Variants in NUP98 observed in about 807,000 individuals in gnomAD.
NUP98 encodes nuclear pore complex protein Nup98-Nup96.
NUP98 carries 26 observed loss-of-function variants against 191.9 expected under a neutral mutation model. The observed-to-expected ratio is 0.14, with a 90% CI of 0.10 to 0.19. The LOEUF is 0.19. NUP98 is among the 10% of genes least tolerant of loss of function. NUP98 has a pLI of 1.00. For missense variants in NUP98, 1,941 were observed against 2,178.8 expected, an observed-to-expected ratio of 0.89 and a Z score of 2.17; for synonymous variants, 808 against 778.4, an observed-to-expected ratio of 1.04 and a Z score of -0.63.
intron 1 of NUP98, among the ~76,000 whole-genome samples, chr11:3,793,613 CT>C (rs1437741061): frequency 4.0e-5 from 6 of 151,884 alleles, no homozygotes; most frequent in South Asian, 4.2e-4. Context: ...AAGAATTTTT[CT>C]TTCCTTACTA....
At chr11:3,787,395 A>T (rs1564932215) in intron 1 of NUP98, among the ~76,000 whole-genome samples, 1 of 151,964 alleles carries the variant, frequency 6.6e-6, no homozygotes, top group Non-Finnish European at 1.5e-5. Context: ...CAGACTGGCC[A>T]ATAGGGTGAA....
intron 6 of NUP98, 126 bp from the exon 7 acceptor site, chr11:3,772,054 A>G: frequency 1.4e-6 from 1 of 722,932 alleles, no homozygotes; most frequent in Non-Finnish European, 2.2e-6. Context: ...AAAAAAGAGA[A>G]AACTAAGGAA....
intron 25 of NUP98, among the ~76,000 whole-genome samples, chr11:3,696,514 A>AG (rs1243450334): frequency 3.3e-5 from 5 of 150,994 alleles, no homozygotes; most frequent in African/African-American, 1.2e-4. Flanking sequence ...TGCAGGGGGG[A>AG]GGGAAAAAAA....
chr11:3,743,118 A>T (rs1255048434), intron 12 of NUP98, among the ~76,000 whole-genome samples: 1 of 151,854 alleles, frequency 6.6e-6, no homozygotes, highest in Non-Finnish European at 1.5e-5. Context: ...TACCGGGTCC[A>T]AGCGATTCTC....
chr11:3,736,525 C>T (rs1175161468), intron 12 of NUP98, among the ~76,000 whole-genome samples: 1 of 152,056 alleles, frequency 6.6e-6, no homozygotes, highest in African/African-American at 2.4e-5. Context: ...GGCGTGGGGG[C>T]GCACACCTAT....
Position 3,777,152 on chromosome 11 carries a change from C to T in NUP98, c.356-1131G>A, listed in dbSNP as rs574242846. Among the ~76,000 whole-genome samples, 709 of 152,092 alleles carry T rather than the reference C, an allele frequency of 4.7e-3. 2 individuals are homozygous for T. The highest frequency in any genetic ancestry group is 0.016 in the African/African-American group (677 of 41,480). On this transcript the variant is annotated intron_variant, in intron 4 of 32. Coordinates refer to ENST00000324932, the MANE Select transcript of NUP98 (RefSeq NM_016320.5). ...TAGGTTAATGTAAAATTTCACCCCC[C>T]AAAATTTCAGAAAAATTAGCAGCCA...
chr11:3,791,157 A>C (rs1207515555), intron 1 of NUP98, among the ~76,000 whole-genome samples: 2 of 151,958 alleles, frequency 1.3e-5, no homozygotes, highest in South Asian at 2.1e-4. Flanking sequence ...AGCCTCCCAA[A>C]GTGCTGGGAT....
chr11:3,775,552 CAA>C (rs201254413), intron 5 of NUP98, among the ~76,000 whole-genome samples: 2 of 138,502 alleles, frequency 1.4e-5, no homozygotes, highest in African/African-American at 5.2e-5. Context: ...AACAAAATAA[CAA>C]AAAAAAAAAA....
At chr11:3,745,685 C>T (rs547053312) in intron 11 of NUP98, among the ~76,000 whole-genome samples, 6 of 152,120 alleles carry the variant, frequency 3.9e-5, no homozygotes, top group Non-Finnish European at 7.4e-5. Context: ...GAGTCCTGGG[C>T]GAAAGTAATC....
rs533990359 is a variant in NUP98 at position 3,773,374 on chromosome 11, A to C, written c.603+258T>G. On this transcript the variant is annotated intron_variant, in intron 6 of 32. Transcript: ENST00000324932. ...TGTGTCACTGCATTCCAGCCTGGGC[A>C]AAAAAGCCCATCTCAAAAAAAAAAA... Among the ~76,000 whole-genome samples the C allele has an allele frequency of 1.8e-4, 27 of 152,192 alleles. 1 individual carries two copies. In the South Asian group the frequency reaches 5.4e-3, roughly 30 times the overall value.
intron 1 of NUP98, among the ~76,000 whole-genome samples, chr11:3,784,605 A>AAAAAAAC (rs1554904743): frequency 1.4e-5 from 2 of 141,928 alleles, no homozygotes; most frequent in South Asian, 2.2e-4. Context: ...ACAAAAAAAA[A>AAAAAAAC]CAAAAAACAT....
At chr11:3,792,638 AAC>A (rs1158025461) in intron 1 of NUP98, among the ~76,000 whole-genome samples, 1 of 137,164 alleles carries the variant, frequency 7.3e-6, no homozygotes, top group Non-Finnish European at 1.7e-5. Context: ...CAAACAAAAA[AAC>A]AACAAAAAAA....
Position 3,720,800 on chromosome 11 carries a change from G to A in NUP98, c.2172C>T (p.Tyr724=), listed in dbSNP as rs1212206372. The change falls in exon 17 of 33, where the codon TAC becomes TAT. Residue 724 remains tyrosine (Y), a synonymous_variant. Transcript: ENST00000324932. ...GGTCATCCATAGATGGAATAGTATA[G>A]TAACCAACCTTAGTGAGAATAATAC... ...PAGIILTKVG[Y]YTIPSMDDLA... 1 of 1,135,134 alleles carries A rather than the reference G, an allele frequency of 8.8e-7. No individual in the cohort carries two copies. The highest frequency in any genetic ancestry group is 2.0e-5 in the Admixed American group (1 of 50,302). The allele number at this position is 1,135,134 out of a possible 1,614,324, so 70.3% of individuals were successfully genotyped here. A position where few individuals can be genotyped will look rare whatever the true frequency, so the allele number is the denominator to read the frequency against.
At chr11:3,706,701 C>T (rs1415416698) in intron 20 of NUP98, 74 bp from the exon 21 acceptor site, 1 of 1,363,680 alleles carries the variant, frequency 7.3e-7, no homozygotes, top group East Asian at 2.3e-5. Flanking sequence ...ATCAGATTTA[C>T]TTTATTCAGA....
intron 4 of NUP98, among the ~76,000 whole-genome samples, chr11:3,777,616 G>C (rs1176288155): frequency 9.3e-6 from 1 of 107,356 alleles, no homozygotes; most frequent in Admixed American, 1.1e-4. Context: ...TCAAGACTCC[G>C]TCTCAAAAAA....
chr11:3,780,337 T>C (rs1325397583), intron 2 of NUP98, among the ~76,000 whole-genome samples: 10 of 146,598 alleles, frequency 6.8e-5, no homozygotes. Context: ...AAGACCATCC[T>C]GGCTAACACG....
intron 1 of NUP98, among the ~76,000 whole-genome samples, chr11:3,785,652 G>A (rs778705327): frequency 9.9e-5 from 15 of 152,174 alleles, no homozygotes; most frequent in African/African-American, 3.6e-4. Context: ...CCAGCTACTC[G>A]GGTGGCTAAG....
chr11:3,787,557 A>G (rs1274434645), intron 1 of NUP98, among the ~76,000 whole-genome samples: 1 of 151,612 alleles, frequency 6.6e-6, no homozygotes, highest in Non-Finnish European at 1.5e-5. Flanking sequence ...TGGGTAACAG[A>G]GCAAGACGCT....
At chr11:3,757,032 A>C (rs1292399199) in intron 10 of NUP98, among the ~76,000 whole-genome samples, 1 of 151,362 alleles carries the variant, frequency 6.6e-6, no homozygotes, top group Admixed American at 6.6e-5. Context: ...AGCTTGCAGC[A>C]AACCGAGATC....
Sources: allele counts gnomAD v4.1 joint callset (sites outside exome capture counted in the v4.1 genomes callset), GRCh38; gene constraint gnomAD v4.1.1; transcripts MANE v1.5; gene names NCBI Gene and HGNC (gene_info 2026-07-23, HGNC 2026-07-21).